The following LSAMP variants were observed in gnomAD, a reference collection of about 807,000 sequenced individuals.
LSAMP encodes limbic system associated membrane protein, also known as limbic system-associated membrane protein.
Under a neutral mutation model 38.6 loss-of-function variants are expected in LSAMP, and 7 were observed. That is an observed-to-expected ratio of 0.18 (90% CI 0.10 to 0.34). The LOEUF (loss-of-function observed/expected upper bound fraction) is 0.34. Ranked by LOEUF, LSAMP falls within the 10% of genes least tolerant of loss-of-function variation. The pLI is 1.00. For synonymous variants in LSAMP, 154 were observed against 166.8 expected, an observed-to-expected ratio of 0.92 and a Z score of 0.59; for missense variants, 313 against 420.0, an observed-to-expected ratio of 0.75 and a Z score of 2.23.
intron 1 of LSAMP, among the ~76,000 whole-genome samples, chr3:116,219,531 A>G (rs2046257947): frequency 1.3e-5 from 2 of 152,170 alleles, no homozygotes; most frequent in South Asian, 4.1e-4. Context: ...TTACCTCCGT[A>G]CTGGTTTTCA....
At chr3:116,382,392 A>T (rs747353481) in intron 1 of LSAMP, among the ~76,000 whole-genome samples, 6 of 151,752 alleles carry the variant, frequency 4.0e-5, no homozygotes, top group Admixed American at 1.3e-4. Flanking sequence ...TTCTCAGCAA[A>T]CTATCGCAAG....
At chr3:116,134,217 A>G in intron 1 of LSAMP, among the ~76,000 whole-genome samples, 1 of 152,230 alleles carries the variant, frequency 6.6e-6, no homozygotes, top group East Asian at 1.9e-4. Flanking sequence ...TGTGAAATTA[A>G]TCAGCATATC....
At chr3:116,236,889 A>C (rs1275877744) in intron 1 of LSAMP, among the ~76,000 whole-genome samples, 6 of 151,866 alleles carry the variant, frequency 4.0e-5, no homozygotes, top group African/African-American at 1.5e-4. Flanking sequence ...CAAAATAACT[A>C]TACTAGATGA....
chr3:116,139,725 CTGTAATGCTTCTCG>C (rs1182791459), intron 1 of LSAMP, among the ~76,000 whole-genome samples: 1 of 151,876 alleles, frequency 6.6e-6, no homozygotes, highest in African/African-American at 2.4e-5. Flanking sequence ...ATTTTTAGAC[CTGTAATGCTTCTCG>C]TGATGCCTGC....
chr3:116,302,244 A>G (rs1298280257), intron 1 of LSAMP, among the ~76,000 whole-genome samples: 1 of 152,232 alleles, frequency 6.6e-6, no homozygotes, highest in Non-Finnish European at 1.5e-5. Flanking sequence ...TTTCCAAGTA[A>G]GCATGCCTGG....
chr3:115,852,692 A>C, intron 3 of LSAMP, 75 bp from the exon 4 acceptor site: 1 of 1,347,774 alleles, frequency 7.4e-7, no homozygotes, highest in South Asian at 1.6e-5. Flanking sequence ...ATTCTTTTTA[A>C]AAGCCATAAA....
At chr3:115,997,351 AG>A (rs1939843648) in intron 3 of LSAMP, among the ~76,000 whole-genome samples, 1 of 151,972 alleles carries the variant, frequency 6.6e-6, no homozygotes, top group African/African-American at 2.4e-5. Flanking sequence ...TTCTACTGGG[AG>A]GCTATGGATA....
chr3:116,265,021 G>A (rs2046874670), intron 1 of LSAMP, among the ~76,000 whole-genome samples: 1 of 152,100 alleles, frequency 6.6e-6, no homozygotes, highest in Admixed American at 6.5e-5. Flanking sequence ...GCTCTCTAGA[G>A]GCTCCTTCCT....
intron 1 of LSAMP, among the ~76,000 whole-genome samples, chr3:116,268,410 A>G (rs1287172057): frequency 3.3e-5 from 5 of 151,964 alleles, no homozygotes; most frequent in Admixed American, 2.6e-4. Context: ...CACAATTTAA[A>G]TTTTTTGCAT....
rs1576180302 is a variant in LSAMP at position 115,881,181 on chromosome 3, T to G, written c.515-28564A>C. Among the ~76,000 whole-genome samples the G allele has an allele frequency of 2.0e-5, 3 of 152,274 alleles. No homozygotes were observed. The South Asian group carries it at 6.2e-4, about 32-fold the overall frequency. On this transcript the variant is annotated intron_variant, in intron 3 of 6. Transcript: ENST00000490035. ...AGTAGTGTTTTTACAGTTTGCCACT[T>G]GCATTCATAAATGCTGCTGCCGCTA...
At chr3:116,156,666 T>G (rs756734014) in intron 1 of LSAMP, among the ~76,000 whole-genome samples, 1 of 152,136 alleles carries the variant, frequency 6.6e-6, no homozygotes, top group Non-Finnish European at 1.5e-5. Flanking sequence ...CACAGAATGC[T>G]ACATTTTAAA....
intron 3 of LSAMP, among the ~76,000 whole-genome samples, chr3:115,971,661 A>G (rs1417211767): frequency 6.6e-6 from 1 of 152,194 alleles, no homozygotes; most frequent in Non-Finnish European, 1.5e-5. Flanking sequence ...TGGTGACTCC[A>G]TACTTAAATA....
intron 2 of LSAMP, among the ~76,000 whole-genome samples, chr3:116,020,139 A>G (rs574783069): frequency 7.9e-5 from 12 of 152,300 alleles, no homozygotes; most frequent in African/African-American, 2.6e-4. Context: ...CTAGCAACAT[A>G]ATGAACATGG....
At chr3:116,303,027 CCT>C (rs2047435290) in intron 1 of LSAMP, among the ~76,000 whole-genome samples, 1 of 152,086 alleles carries the variant, frequency 6.6e-6, no homozygotes, top group South Asian at 2.1e-4. Context: ...TTACACATAT[CCT>C]GAGTATTTTT....
chr3:115,867,590 A>G (rs368434434), intron 3 of LSAMP, among the ~76,000 whole-genome samples: 8 of 152,224 alleles, frequency 5.3e-5, no homozygotes, highest in African/African-American at 1.9e-4. Context: ...AGCAAACAAG[A>G]AAGTAATAGG....
At chr3:115,922,421 T>A (rs2107525381) in intron 3 of LSAMP, among the ~76,000 whole-genome samples, 1 of 148,576 alleles carries the variant, frequency 6.7e-6, no homozygotes, top group African/African-American at 2.4e-5. Context: ...TGTTTGGTTT[T>A]CAAATATATA....
chr3:116,328,672 T>C (rs1306928080), intron 1 of LSAMP, among the ~76,000 whole-genome samples: 1 of 152,134 alleles, frequency 6.6e-6, no homozygotes, highest in African/African-American at 2.4e-5. Context: ...TCATCATTAC[T>C]GCCTTGTCAA....
At chr3:116,242,519 T>C (rs534705353) in intron 1 of LSAMP, among the ~76,000 whole-genome samples, 7 of 152,306 alleles carry the variant, frequency 4.6e-5, no homozygotes, top group African/African-American at 1.7e-4. Flanking sequence ...TTTTCTGTTA[T>C]GAAAAACTCT....
intron 1 of LSAMP, among the ~76,000 whole-genome samples, chr3:116,324,481 A>C (rs552652689): frequency 6.6e-6 from 1 of 152,334 alleles, no homozygotes; most frequent in African/African-American, 2.4e-5. Context: ...GGACACAGAA[A>C]GACACAGTTT....
Sources: gnomAD v4.1 joint callset for allele counts (sites outside exome capture counted in the v4.1 genomes callset) on GRCh38, gnomAD v4.1.1 for gene constraint, MANE v1.5 for transcripts, NCBI Gene and HGNC (gene_info 2026-07-23, HGNC 2026-07-21) for gene names.